The following LSAMP variants were observed in gnomAD, a reference collection of about 807,000 sequenced individuals.
LSAMP encodes the protein limbic system associated membrane protein.
A neutral mutation model predicts 38.6 loss-of-function variants in LSAMP; 7 were observed. The observed-to-expected ratio is 0.18, with a 90% CI of 0.10 to 0.34. LSAMP has a LOEUF of 0.34. Ranked by LOEUF, LSAMP falls within the 10% of genes least tolerant of loss-of-function variation. LSAMP has a pLI of 1.00. For synonymous variants in LSAMP, 154 were observed against 166.8 expected (o/e 0.92, Z 0.59); for missense variants, 313 against 420.0 (o/e 0.75, Z 2.23).
chr3:116,251,646 G>A (rs960746990), intron 1 of LSAMP, among the ~76,000 whole-genome samples: 1 of 152,188 alleles, frequency 6.6e-6, no homozygotes, highest in Non-Finnish European at 1.5e-5. Context: ...ATAGATAACT[G>A]ACCCATTCCT....
chr3:116,020,257 A>G (rs994299075), intron 2 of LSAMP, among the ~76,000 whole-genome samples: 1 of 152,358 alleles, frequency 6.6e-6, no homozygotes, highest in Admixed American at 6.5e-5. Context: ...TCTCACAGAC[A>G]GGTAGACATT....
chr3:116,006,250 G>A (rs1940156728), intron 3 of LSAMP, among the ~76,000 whole-genome samples: 1 of 152,076 alleles, frequency 6.6e-6, no homozygotes, highest in Admixed American at 6.6e-5. Context: ...ACACCAGAGA[G>A]TTTGCTCACT....
intron 3 of LSAMP, among the ~76,000 whole-genome samples, chr3:115,870,002 A>T (rs1935984970): frequency 6.6e-6 from 1 of 152,134 alleles, no homozygotes; most frequent in Admixed American, 6.6e-5. Flanking sequence ...CTCATAGCTA[A>T]GAGTGAATTT....
chr3:115,831,804 G>A (rs1934621345), intron 6 of LSAMP, among the ~76,000 whole-genome samples: 1 of 152,122 alleles, frequency 6.6e-6, no homozygotes. Context: ...ACAGATCAAG[G>A]ATAGAACACT....
At chr3:116,226,213 G>A (rs2107622026) in intron 1 of LSAMP, among the ~76,000 whole-genome samples, 1 of 152,234 alleles carries the variant, frequency 6.6e-6, no homozygotes, top group Non-Finnish European at 1.5e-5. Context: ...CTGACCTTTA[G>A]GTCCTGGGCT....
At chr3:116,092,809 T>C (rs577446057) in intron 1 of LSAMP, among the ~76,000 whole-genome samples, 48 of 152,332 alleles carry the variant, frequency 3.2e-4, no homozygotes, top group Non-Finnish European at 6.3e-4. Context: ...GATTACTTAA[T>C]AGCATATGTA....
intron 2 of LSAMP, among the ~76,000 whole-genome samples, chr3:116,042,630 A>G (rs1428236322): frequency 6.6e-6 from 1 of 152,014 alleles, no homozygotes; most frequent in Non-Finnish European, 1.5e-5. Context: ...GGGTTTCACC[A>G]TGTTGGCCAA....
rs117614586 is a variant in LSAMP, at chr3:116,146,839, A to G, written c.156-60283T>C. Among the ~76,000 whole-genome samples the G allele has an allele frequency of 4.7e-4, 71 of 152,066 alleles. No homozygotes were observed. In the East Asian group the frequency reaches 0.013, roughly 29 times the overall value. ...AGGCAGATCAATTTGGACCTAAAATAAGATATTTTTCACATTTTTTAAGAA... is the reference window on the plus strand; with the variant it reads ...AGGCAGATCAATTTGGACCTAAAATGAGATATTTTTCACATTTTTTAAGAA... On this transcript the variant is annotated intron_variant, in intron 1 of 6. Coordinates refer to ENST00000490035, the MANE Select transcript of LSAMP (RefSeq NM_002338.5).
intron 1 of LSAMP, among the ~76,000 whole-genome samples, chr3:116,288,044 C>T (rs1042820521): frequency 6.6e-6 from 1 of 152,172 alleles, no homozygotes; most frequent in African/African-American, 2.4e-5. Context: ...AAGTAAGATA[C>T]TATGACCATA....
intron 1 of LSAMP, among the ~76,000 whole-genome samples, chr3:116,320,225 C>T (rs1275905236): frequency 6.6e-6 from 1 of 151,926 alleles, no homozygotes; most frequent in African/African-American, 2.4e-5. Flanking sequence ...CCAGCCTGGC[C>T]AACATGATGA....
intron 2 of LSAMP, among the ~76,000 whole-genome samples, chr3:116,062,549 A>C (rs577358963): frequency 6.6e-6 from 1 of 152,054 alleles, no homozygotes; most frequent in Non-Finnish European, 1.5e-5. Flanking sequence ...GTATATACTC[A>C]GTGTGAAATC....
intron 1 of LSAMP, among the ~76,000 whole-genome samples, chr3:116,087,895 A>ATT (rs113096762): frequency 6.4e-5 from 9 of 139,624 alleles, no homozygotes; most frequent in African/African-American, 1.1e-4. Context: ...TTAGAGGGAG[A>ATT]TTTTTTTTTT....
intron 1 of LSAMP, among the ~76,000 whole-genome samples, chr3:116,338,140 G>A (rs1205750508): frequency 6.6e-6 from 1 of 151,964 alleles, no homozygotes; most frequent in African/African-American, 2.4e-5. Flanking sequence ...AAGATTTGTG[G>A]AAAGGATTCT....
intron 3 of LSAMP, among the ~76,000 whole-genome samples, chr3:115,914,841 C>A (rs541480844): frequency 1.6e-4 from 24 of 152,286 alleles, no homozygotes; most frequent in Admixed American, 2.6e-4. Flanking sequence ...TTAGAGGCTT[C>A]TTCATTCTTC....
At chr3:116,212,172 G>A (rs1391624189) in intron 1 of LSAMP, among the ~76,000 whole-genome samples, 4 of 152,162 alleles carry the variant, frequency 2.6e-5, no homozygotes, top group Admixed American at 6.5e-5. Context: ...ACCATGTGTG[G>A]TGTGATATCA....
At chr3:115,845,739 G>A (rs774263324) in intron 4 of LSAMP, among the ~76,000 whole-genome samples, 6 of 152,128 alleles carry the variant, frequency 3.9e-5, no homozygotes, top group Non-Finnish European at 7.4e-5. Flanking sequence ...GAACATTTAG[G>A]TCTCCCTGAC....
At chr3:116,347,154 GCTGATACTTTTATA>G (rs1358143264) in intron 1 of LSAMP, among the ~76,000 whole-genome samples, 4 of 152,128 alleles carry the variant, frequency 2.6e-5, no homozygotes, top group African/African-American at 7.2e-5. Flanking sequence ...GCATTAAAGT[GCTGATACTTTTATA>G]CTTAAATAAA....
At chr3:115,849,910 T>C (rs568709296) in intron 4 of LSAMP, among the ~76,000 whole-genome samples, 2 of 152,280 alleles carry the variant, frequency 1.3e-5, no homozygotes, top group East Asian at 1.9e-4. Flanking sequence ...TTTGGAGAAA[T>C]GTTGAGGGCA....
At chr3:116,135,892 T>C (rs1709237051) in intron 1 of LSAMP, among the ~76,000 whole-genome samples, 1 of 152,182 alleles carries the variant, frequency 6.6e-6, no homozygotes, top group South Asian at 2.1e-4. Context: ...ATCTGCACTT[T>C]CCTGATTGAT....
Sources: gnomAD v4.1 joint callset for allele counts (sites outside exome capture counted in the v4.1 genomes callset) on GRCh38, gnomAD v4.1.1 for gene constraint, MANE v1.5 for transcripts, NCBI Gene and HGNC (gene_info 2026-07-23, HGNC 2026-07-21) for gene names.